Variants in ABCC9 observed in about 807,000 individuals in gnomAD.
The protein encoded by ABCC9 is ATP-binding cassette sub-family C member 9.
ABCC9 carries 95 observed loss-of-function variants against 188.3 expected under a neutral mutation model. The observed-to-expected ratio is 0.50, with a 90% CI of 0.43 to 0.60. The LOEUF is 0.60. ABCC9 is among the 20% of genes least tolerant of loss of function. The pLI is 0.00. For synonymous variants in ABCC9, 659 were observed against 652.7 expected (o/e 1.01, Z -0.15); for missense variants, 1,102 against 1,876.3 (o/e 0.59, Z 7.62).
chr12:21,837,886 G>T (rs1441246774), intron 30 of ABCC9, among the ~76,000 whole-genome samples, 192 bp downstream of exon 30: 4 of 152,090 alleles, frequency 2.6e-5, no homozygotes, highest in Non-Finnish European at 5.9e-5. Flanking sequence ...CTTTATTATA[G>T]TTAGCATTTT....
Position 21,894,126 on chromosome 12 carries a change from C to T in ABCC9, c.1708G>A (p.Glu570Lys). ...AAGAGAGACAGTGAAGCAAAGGCCTCTGCAGGTTTCAGATTGTTTCCACTG... is the reference window on the plus strand; with the variant it reads ...AAGAGAGACAGTGAAGCAAAGGCCTTTGCAGGTTTCAGATTGTTTCCACTG... ...YASGNNLKPA[E>K]AFASLSLFHI... The change falls in exon 14 of 40, where the codon GAG becomes AAG. Residue 570 changes from glutamate to lysine, a missense_variant. Around this residue, in one of 12 missense-constraint regions of ABCC9, gnomAD observed 258 missense variants for 325.6 expected, o/e 0.79. Transcript: ENST00000261200. The T allele has an allele frequency of 6.2e-7, 1 of 1,614,044 alleles. No homozygotes were observed. Among genetic ancestry groups the T allele is most frequent in the Non-Finnish European group, 8.5e-7 (1 of 1,179,990 alleles).
intron 5 of ABCC9, among the ~76,000 whole-genome samples, chr12:21,921,483 G>T (rs1174146704): frequency 6.6e-6 from 1 of 152,018 alleles, no homozygotes; most frequent in Non-Finnish European, 1.5e-5. Context: ...TCCCTTGTCA[G>T]ACAGGCAGTT....
intron 9 of ABCC9, 87 bp downstream of exon 9, chr12:21,910,739 A>G: frequency 7.7e-7 from 1 of 1,297,298 alleles, no homozygotes; most frequent in Non-Finnish European, 1.1e-6. Context: ...TGGAATGAAA[A>G]AACAAAACTG....
In ABCC9 at chr12:21,906,485, C is replaced by G. The variant is rs148376162; in HGVS notation, c.1456-197G>C. Among the ~76,000 whole-genome samples the G allele has an allele frequency of 4.1e-3, 626 of 152,166 alleles. 5 individuals are homozygous for G. Among genetic ancestry groups the G allele is most frequent in the African/African-American group, 0.014 (564 of 41,536 alleles). On this transcript the variant is annotated intron_variant, in intron 11 of 39. Transcript: ENST00000261200. Reference sequence around the variant, plus strand: ...AATAAAGAGTTTAATGAGATGGCCTCAACATTTCTTTCCACCTAAAAACAT... The same window carrying G: ...AATAAAGAGTTTAATGAGATGGCCTGAACATTTCTTTCCACCTAAAAACAT...
rs1406604586 is a variant in ABCC9 at position 21,845,741 on chromosome 12, C to T, written c.2958G>A (p.Leu986=). 6.2e-7 allele frequency: 1 copy of T among 1,613,878 alleles called. No individual in the cohort carries two copies. The highest frequency in any genetic ancestry group is 8.5e-7 in the Non-Finnish European group (1 of 1,179,834). The change falls in exon 26 of 40, where the codon CTG becomes CTA. Residue 986 remains leucine, a synonymous_variant. Coordinates refer to ENST00000261200, the MANE Select transcript of ABCC9 (RefSeq NM_020297.4). The part of the protein sequence containing the change: ...KMPWKTCWRY[L]TSGGFFLLIL... ...TGAGCAGGAAGAATCCTCCAGATGTCAGGTAGCGCCAGCAGGTTTTCCATG... is the reference window on the plus strand; with the variant it reads ...TGAGCAGGAAGAATCCTCCAGATGTTAGGTAGCGCCAGCAGGTTTTCCATG...
Position 21,842,321 on chromosome 12 carries a change from C to A in ABCC9, c.3466G>T (p.Ala1156Ser). The A allele has an allele frequency of 6.2e-7, 1 of 1,613,650 alleles. No homozygotes were observed. Among genetic ancestry groups the A allele is most frequent in the Middle Eastern group, 1.6e-4 (1 of 6,062 alleles). The change falls in exon 29 of 40, where the codon GCC (alanine) becomes TCC (serine). Residue 1156 changes from alanine to serine, a missense_variant. By Grantham distance (99) the Ala-to-Ser change is moderately conservative (BLOSUM62 1). Around this residue, in one of 12 missense-constraint regions of ABCC9, gnomAD observed 143 missense variants for 225.6 expected, o/e 0.63. Transcript: ENST00000261200. ...GGATGCTGTTTTACTTACTTAGAGGCAACCCGAAAGTATTTCTGGATAAAA... is the reference window on the plus strand; with the variant it reads ...GGATGCTGTTTTACTTACTTAGAGGAAACCCGAAAGTATTTCTGGATAAAA... ...FYFIQKYFRV[A>S]SKDLQELDDS...
chr12:21,853,835 A>T (rs565341689), intron 22 of ABCC9, among the ~76,000 whole-genome samples: 1 of 152,178 alleles, frequency 6.6e-6, no homozygotes, highest in African/African-American at 2.4e-5. Flanking sequence ...CAGGGAATGA[A>T]AGAAACTGAG....
rs751670196 is a variant in ABCC9 at position 21,812,104 on chromosome 12, G to A, written c.4156C>T (p.Arg1386Cys). The A allele has an allele frequency of 1.2e-6, 2 of 1,613,386 alleles. No individual in the cohort carries two copies. The highest frequency in any genetic ancestry group is 1.3e-5 in the African/African-American group (1 of 75,008). ...DISKLPLHTL[R>C]SRLSIILQDP... ...TGCAGAATGATTGAAAGTCTAGAAC[G>A]TAGTGTGTGCAGTGGTAATTTGGAA... Residue 1386 changes from arginine (R) to cysteine (C), a missense_variant, in exon 36 of 40, where the codon CGT becomes TGT. Transcript: ENST00000261200.
chr12:21,849,570 C>T (rs1266250437), intron 24 of ABCC9, among the ~76,000 whole-genome samples: 3 of 151,942 alleles, frequency 2.0e-5, no homozygotes, highest in Non-Finnish European at 4.4e-5. Flanking sequence ...CATGCTGTGA[C>T]CAAAAGGTTT....
chr12:21,800,937 A>G lies in ABCC9; in HGVS notation c.*107T>C. 1.5e-6 allele frequency: 2 copies of G among 1,377,720 alleles called. No individual in the cohort carries two copies. Among genetic ancestry groups the G allele is most frequent in the South Asian group, 2.5e-5 (2 of 78,682 alleles). The allele number at this position is 1,377,720 out of a possible 1,614,324, so 85.3% of individuals were successfully genotyped here. On this transcript the variant is annotated 3_prime_UTR_variant, in exon 40 of 40. Coordinates refer to ENST00000261200, the MANE Select transcript of ABCC9 (RefSeq NM_020297.4). Reference sequence around the variant, plus strand: ...ATAAATGTCCACTTTTTGTGCAAAAATCTGTAAAAGTTTTAAGATGCCACT... The same window carrying G: ...ATAAATGTCCACTTTTTGTGCAAAAGTCTGTAAAAGTTTTAAGATGCCACT...
At chr12:21,924,765 ATTTC>A (rs1373109816) in intron 5 of ABCC9, 5 of 151,998 alleles carry the variant, frequency 3.3e-5, no homozygotes, top group African/African-American at 4.8e-5. Context: ...CTTGTTGGAA[ATTTC>A]TTTCTCTTTT....
At chr12:21,914,635 A>G (rs932952466) in intron 7 of ABCC9, among the ~76,000 whole-genome samples, 3 of 152,196 alleles carry the variant, frequency 2.0e-5, no homozygotes, top group African/African-American at 7.2e-5. Context: ...CAAAAATTTC[A>G]TGAGTTATTA....
intron 39 of ABCC9, among the ~76,000 whole-genome samples, chr12:21,804,102 A>G (rs968945326): frequency 6.6e-6 from 1 of 151,096 alleles, no homozygotes; most frequent in African/African-American, 2.4e-5. Context: ...AGCTTCATGT[A>G]TATTAGGGGC....
At chr12:21,814,764 A>C (rs762012743) in intron 34 of ABCC9, 42 bp from the exon 35 acceptor site, 2 of 1,528,416 alleles carry the variant, frequency 1.3e-6, no homozygotes, top group South Asian at 2.2e-5. Flanking sequence ...GGACTCAGAA[A>C]AGGACAGAAG....
At position 21,892,686 on chromosome 12, in the gene ABCC9, A is replaced by G. The variant is rs566890566; in HGVS notation, c.1802+1346T>C. On this transcript the variant is annotated intron_variant, in intron 14 of 39. Transcript: ENST00000261200. ...CAGAGGTTAACTTTGAAACTATGTT[A>G]CACTATCATATTCTGTAAGAATTTG... Among the ~76,000 whole-genome samples the G allele has an allele frequency of 2.0e-5, 3 of 152,350 alleles. No individual in the cohort carries two copies. In the East Asian group the frequency reaches 5.8e-4, roughly 29 times the overall value.
rs202103893 is a variant in ABCC9, at chr12:21,926,061, C to T, written c.287G>A (p.Arg96Gln). 4.6e-5 allele frequency: 75 copies of T among 1,613,872 alleles called. No individual in the cohort carries two copies. The highest frequency in any genetic ancestry group is 5.3e-5 in the Non-Finnish European group (63 of 1,179,988). The change falls in exon 5 of 40, where the codon CGG becomes CAG. Residue 96 changes from arginine to glutamine, a missense_variant and splice_region_variant. Transcript: ENST00000261200. ...EIAEGIVSDS[R>Q]RESRHLHLFM... Reference sequence around the variant, plus strand: ...GAGGTGGAGGTGCCTTGATTCCCGCCGCCTAGAAAGAGCAGTACGTCAACG... The same window carrying T: ...GAGGTGGAGGTGCCTTGATTCCCGCTGCCTAGAAAGAGCAGTACGTCAACG...
At chr12:21,862,385 T>C (rs1388689858) in intron 20 of ABCC9, among the ~76,000 whole-genome samples, 1 of 151,956 alleles carries the variant, frequency 6.6e-6, no homozygotes. Flanking sequence ...TTCTCCTCCC[T>C]CCCCCTTCCT....
At chr12:21,825,438 A>G (rs1000370284) in intron 31 of ABCC9, among the ~76,000 whole-genome samples, 4 of 152,224 alleles carry the variant, frequency 2.6e-5, no homozygotes, top group South Asian at 4.1e-4. Context: ...CATGGCACAT[A>G]TACACCATGG....
At chr12:21,827,902 T>A (rs762188147) in intron 31 of ABCC9, among the ~76,000 whole-genome samples, 1 of 152,248 alleles carries the variant, frequency 6.6e-6, no homozygotes, top group Non-Finnish European at 1.5e-5. Context: ...CTCACAAGGA[T>A]GTCCAAGATT....
Sources: gnomAD v4.1 joint callset for allele counts (sites outside exome capture counted in the v4.1 genomes callset) on GRCh38, gnomAD v4.1.1 for gene constraint, gnomAD v4.1.1 regional missense constraint, MANE v1.5 for transcripts, NCBI Gene and HGNC (gene_info 2026-07-23, HGNC 2026-07-21) for gene names.